DOCK4: variants seen among roughly 807,000 people sequenced by gnomAD.
The protein encoded by DOCK4 is dedicator of cytokinesis protein 4.
A neutral mutation model predicts 268.1 loss-of-function variants in DOCK4; 97 were observed. That is an observed-to-expected ratio of 0.36 (90% CI 0.31 to 0.43). The LOEUF (loss-of-function observed/expected upper bound fraction) is 0.43. Among genes scored for constraint, DOCK4 ranks in the 20% least tolerant of loss-of-function variants. The pLI, the probability that DOCK4 is intolerant of heterozygous loss-of-function variation, is 1.00. For synonymous variants in DOCK4, 954 were observed against 887.2 expected (o/e 1.08, Z -1.34); for missense variants, 2,145 against 2,455.7 (o/e 0.87, Z 2.67).
chr7:111,806,006 C>T (rs377144492), intron 30 of DOCK4, among the ~76,000 whole-genome samples: 110 of 152,236 alleles, frequency 7.2e-4, no homozygotes, highest in African/African-American at 2.6e-3. Context: ...CTAAATTGGA[C>T]AAAATTTTAA....
intron 32 of DOCK4, among the ~76,000 whole-genome samples, chr7:111,785,679 G>A (rs1799115824): frequency 6.6e-6 from 1 of 152,158 alleles, no homozygotes; most frequent in African/African-American, 2.4e-5. Context: ...GATACAAACT[G>A]AGAAAGAGAG....
chr7:112,096,278 C>T (rs754218377), intron 1 of DOCK4, among the ~76,000 whole-genome samples: 1 of 152,002 alleles, frequency 6.6e-6, no homozygotes, highest in African/African-American at 2.4e-5. Flanking sequence ...TGGGCTCAAA[C>T]GATACTCCCA....
chr7:112,134,659 T>C (rs1259733480), intron 1 of DOCK4, among the ~76,000 whole-genome samples: 1 of 152,174 alleles, frequency 6.6e-6, no homozygotes, highest in Non-Finnish European at 1.5e-5. Context: ...GAGCTTGCAG[T>C]GAGCTGAGAT....
chr7:112,097,771 T>C (rs1418319675), intron 1 of DOCK4, among the ~76,000 whole-genome samples: 1 of 152,218 alleles, frequency 6.6e-6, no homozygotes, highest in Non-Finnish European at 1.5e-5. Flanking sequence ...AATTTCCTAT[T>C]ACTACCCTGA....
chr7:111,848,127 C>T (rs1804261043), intron 23 of DOCK4, among the ~76,000 whole-genome samples: 1 of 152,260 alleles, frequency 6.6e-6, no homozygotes, highest in East Asian at 1.9e-4. Context: ...TTCTTCTATC[C>T]TTTGTCTGTA....
In DOCK4 at chr7:111,728,630, T is replaced by G; in HGVS notation, c.5572A>C (p.Ser1858Arg). 6.2e-7 allele frequency: 1 copy of G among 1,613,982 alleles called. No homozygotes were observed. The highest frequency in any genetic ancestry group is 8.5e-7 in the Non-Finnish European group (1 of 1,179,882). The change falls in exon 53 of 53, where the codon AGT (serine) becomes CGT (arginine). Residue 1858 changes from serine to arginine, a missense_variant. Coordinates refer to ENST00000428084, the MANE Select transcript of DOCK4 (RefSeq NM_001363540.2). The part of the protein sequence containing the change: ...NSPVLSGSYS[S>R]GISSLSRCST... ...CACCGGCTGAGAGAAGAAATCCCAC[T>G]GCTGTAGCTGCCCGACAAGACAGGG...
chr7:111,761,010 C>T (rs549647373), intron 39 of DOCK4, among the ~76,000 whole-genome samples: 2 of 151,770 alleles, frequency 1.3e-5, no homozygotes, highest in East Asian at 1.9e-4. Context: ...GAGAGGTAGT[C>T]AGTGCCCCCT....
At chr7:112,113,206 G>A (rs571258459) in intron 1 of DOCK4, among the ~76,000 whole-genome samples, 7 of 152,266 alleles carry the variant, frequency 4.6e-5, no homozygotes, top group South Asian at 4.2e-4. Context: ...AGATCTGTTC[G>A]TGAGTTCCCA....
At position 112,005,471 on chromosome 7, in the gene DOCK4, T is replaced by C. The variant is rs192202634; in HGVS notation, c.38-1340A>G. 2.6e-5 allele frequency among the ~76,000 whole-genome samples: 4 copies of C among 152,324 alleles called. No homozygotes were observed. In the East Asian group the frequency reaches 7.7e-4, roughly 29 times the overall value. On this transcript the variant is annotated intron_variant, in intron 1 of 52. Transcript: ENST00000428084. ...AGCCAAGCACTAATTTATGATATCA[T>C]TTTCTAACTATAACCATGAATACCA...
chr7:111,777,023 T>C (rs553559134), intron 36 of DOCK4, among the ~76,000 whole-genome samples: 4 of 152,014 alleles, frequency 2.6e-5, no homozygotes, highest in Non-Finnish European at 5.9e-5. Context: ...TTTGCCACAT[T>C]TTCCACGCTG....
intron 14 of DOCK4, among the ~76,000 whole-genome samples, chr7:111,901,380 T>TAAG (rs1791132719): frequency 6.8e-6 from 1 of 148,118 alleles, no homozygotes. Context: ...ATAGCTGCTG[T>TAAG]AAGAAAATTA....
chr7:112,076,720 C>A (rs1485352704), intron 1 of DOCK4, among the ~76,000 whole-genome samples: 2 of 151,998 alleles, frequency 1.3e-5, no homozygotes, highest in Non-Finnish European at 2.9e-5. Context: ...AAATGAGATT[C>A]TTTTTAGAAA....
At chr7:111,831,246 G>A (rs1802788384) in intron 26 of DOCK4, among the ~76,000 whole-genome samples, 1 of 151,948 alleles carries the variant, frequency 6.6e-6, no homozygotes, top group Admixed American at 6.6e-5. Flanking sequence ...CCAACACCCA[G>A]CCAATTGTCA....
intron 1 of DOCK4, among the ~76,000 whole-genome samples, chr7:112,140,361 A>T (rs940481258): frequency 2.6e-5 from 4 of 152,164 alleles, no homozygotes; most frequent in Admixed American, 6.6e-5. Context: ...CTGATGATAC[A>T]TTCGGTCTTC....
chr7:111,732,274 T>C lies in DOCK4; in HGVS notation c.5433A>G (p.Arg1811=), dbSNP rs34006722. The stretch of plus-strand genomic sequence containing the variant: ...GCGAGGGGGATACTGATGTCGTGTG[T>C]CTTGCTGGTGAAGCTGTCAATGGGG... ...PRPTQTASPA[R]HTTSVSPSPA... The change falls in exon 52 of 53, where the codon AGA becomes AGG. Residue 1811 remains arginine (R), a synonymous_variant. Coordinates refer to ENST00000428084, the MANE Select transcript of DOCK4 (RefSeq NM_001363540.2). 1 of 1,613,886 alleles carries C rather than the reference T, an allele frequency of 6.2e-7. No individual in the cohort carries two copies. Among genetic ancestry groups the C allele is most frequent in the African/African-American group, 1.3e-5 (1 of 74,928 alleles).
chr7:112,034,380 G>C (rs893706386), intron 1 of DOCK4, among the ~76,000 whole-genome samples: 18 of 152,222 alleles, frequency 1.2e-4, no homozygotes, highest in Admixed American at 4.6e-4. Context: ...CCCCACACAT[G>C]GTAATGAGGA....
At chr7:111,902,023 T>C (rs1298069667) in intron 13 of DOCK4, among the ~76,000 whole-genome samples, 2 of 152,210 alleles carry the variant, frequency 1.3e-5, no homozygotes, top group African/African-American at 4.8e-5. Context: ...ACTGTAATTC[T>C]ACATCTAGGA....
At chr7:111,735,005 A>G (rs2133388108) in intron 51 of DOCK4, 49 bp downstream of exon 51, 1 of 1,443,982 alleles carries the variant, frequency 6.9e-7, no homozygotes, top group Non-Finnish European at 9.5e-7. Context: ...GGAGTAGTCA[A>G]TAAAAGTTAT....
chr7:111,746,115 A>G (rs115314434), intron 44 of DOCK4, among the ~76,000 whole-genome samples: 1,751 of 152,304 alleles, frequency 0.011, 35 homozygotes, highest in African/African-American at 0.04. Flanking sequence ...CTCAACCTGT[A>G]ACTGGCTGCC....
Sources: gnomAD v4.1 joint callset for allele counts (sites outside exome capture counted in the v4.1 genomes callset) on GRCh38, gnomAD v4.1.1 for gene constraint, MANE v1.5 for transcripts, NCBI Gene and HGNC (gene_info 2026-07-23, HGNC 2026-07-21) for gene names.